TLK1: variants seen among roughly 807,000 people sequenced by gnomAD.
The protein encoded by TLK1 is tousled like kinase 1.
Under a neutral mutation model 105.3 loss-of-function variants are expected in TLK1, and 24 were observed. The observed-to-expected ratio is 0.23, with a 90% CI of 0.17 to 0.32. The LOEUF is 0.32. Ranked by LOEUF, TLK1 falls within the 10% of genes least tolerant of loss-of-function variation. TLK1 has a pLI of 1.00. For synonymous variants in TLK1, 321 were observed against 310.4 expected (o/e 1.03, Z -0.36); for missense variants, 558 against 910.5 (o/e 0.61, Z 4.98).
At position 170,993,668 on chromosome 2, in the gene TLK1, T is replaced by TAAAAAAAAAAAAAAAAA. The variant is rs71008739; in HGVS notation, c.*95_*111dup. ...AAACAGTTCTTAACCACGTCTTGTG[T>TAAAAAAAAAAAAAAAAA]AAAAAAAAAAAAAAAAAAAAAAGAA... is the stretch of plus-strand genomic sequence containing the variant. On this transcript the variant is annotated 3_prime_UTR_variant, in exon 21 of 21. Coordinates refer to ENST00000431350, the MANE Select transcript of TLK1 (RefSeq NM_012290.5). The TAAAAAAAAAAAAAAAAA allele has an allele frequency of 1.2e-5, 5 of 433,806 alleles. 1 individual carries two copies. The highest frequency in any genetic ancestry group is 7.2e-5 in the South Asian group (1 of 13,944). The allele number at this position is 433,806 out of a possible 1,614,324, so 26.9% of individuals were successfully genotyped here.
At chr2:171,104,068 G>C (rs887110205) in intron 2 of TLK1, among the ~76,000 whole-genome samples, 16 of 152,290 alleles carry the variant, frequency 1.1e-4, no homozygotes, top group African/African-American at 3.1e-4. Context: ...TTGAGGCCAG[G>C]AGTTTGAGAC....
chr2:171,203,432 G>A (rs1380766030), intron 1 of TLK1, among the ~76,000 whole-genome samples: 1 of 152,042 alleles, frequency 6.6e-6, no homozygotes, highest in Non-Finnish European at 1.5e-5. Flanking sequence ...CTATGTAAGT[G>A]GAATAACATT....
At chr2:171,210,770 G>A (rs1246621525) in intron 1 of TLK1, among the ~76,000 whole-genome samples, 7 of 152,048 alleles carry the variant, frequency 4.6e-5, no homozygotes, top group African/African-American at 1.4e-4. Context: ...AGAATTTGCC[G>A]GCTAATTAAA....
intron 2 of TLK1, among the ~76,000 whole-genome samples, chr2:171,109,969 G>A (rs1004645993): frequency 6.6e-6 from 1 of 152,220 alleles, no homozygotes; most frequent in South Asian, 2.1e-4. Context: ...TAAGGGTTGG[G>A]GGAAAGGGTT....
intron 1 of TLK1, among the ~76,000 whole-genome samples, chr2:171,212,863 A>C (rs746257940): frequency 7.4e-5 from 11 of 149,092 alleles, no homozygotes; most frequent in Non-Finnish European, 1.2e-4. Context: ...CACATGAAGA[A>C]ATAAGAGGAA....
intron 6 of TLK1, 30 bp from the exon 7 acceptor site, chr2:171,055,202 GCAAA>G: frequency 2.4e-6 from 1 of 420,220 alleles, no homozygotes; most frequent in Non-Finnish European, 3.4e-6. Context: ...TTTTATATTA[GCAAA>G]AAAAAAAAAA....
chr2:171,167,913 G>A (rs1247832352), intron 1 of TLK1, among the ~76,000 whole-genome samples: 3 of 151,906 alleles, frequency 2.0e-5, no homozygotes, highest in African/African-American at 7.3e-5. Context: ...AATCAATAGT[G>A]TACCTCTTAA....
chr2:171,010,256 A>T (rs1400522271), intron 14 of TLK1, among the ~76,000 whole-genome samples: 1 of 152,156 alleles, frequency 6.6e-6, no homozygotes, highest in Non-Finnish European at 1.5e-5. Flanking sequence ...GGAAGAGCAT[A>T]CGATGGTTTT....
chr2:171,186,887 A>G (rs35614064), intron 1 of TLK1, among the ~76,000 whole-genome samples: 13,057 of 151,636 alleles, frequency 0.086, 1,154 homozygotes, highest in East Asian at 0.3. Context: ...GTGAAACCCC[A>G]TCTCTACTAA....
intron 1 of TLK1, among the ~76,000 whole-genome samples, chr2:171,214,667 C>T (rs1199497973): frequency 6.6e-6 from 1 of 152,134 alleles, no homozygotes; most frequent in Non-Finnish European, 1.5e-5. Context: ...CCAGGTGATG[C>T]GAAGTTGCTG....
At chr2:171,157,895 AAGTT>A (rs900889065) in intron 1 of TLK1, among the ~76,000 whole-genome samples, 3 of 152,206 alleles carry the variant, frequency 2.0e-5, no homozygotes, top group Admixed American at 6.5e-5. Context: ...TCAAGAAACA[AAGTT>A]AGTTTTCACC....
At chr2:171,148,093 T>C (rs1691864807) in intron 1 of TLK1, among the ~76,000 whole-genome samples, 3 of 152,134 alleles carry the variant, frequency 2.0e-5, no homozygotes, top group Admixed American at 6.5e-5. Flanking sequence ...GGTTTCACCG[T>C]GTTAGCCTGG....
chr2:171,201,306 T>C (rs115282674), intron 1 of TLK1, among the ~76,000 whole-genome samples: 2,256 of 152,340 alleles, frequency 0.015, 47 homozygotes, highest in African/African-American at 0.049. Flanking sequence ...TTAATTACTA[T>C]TGAAATGCCA....
intron 3 of TLK1, among the ~76,000 whole-genome samples, chr2:171,064,487 T>C (rs1377332200): frequency 1.3e-5 from 2 of 152,230 alleles, no homozygotes; most frequent in African/African-American, 4.8e-5. Context: ...GTATATAATG[T>C]GCACATATTA....
At chr2:171,184,070 G>A (rs953077001) in intron 1 of TLK1, among the ~76,000 whole-genome samples, 4 of 152,158 alleles carry the variant, frequency 2.6e-5, no homozygotes, top group African/African-American at 9.7e-5. Flanking sequence ...TCCTAGCTGT[G>A]GTCAGAGGGC....
intron 20 of TLK1, among the ~76,000 whole-genome samples, chr2:170,995,983 T>G (rs909883398): frequency 1.3e-5 from 2 of 151,678 alleles, no homozygotes; most frequent in Admixed American, 1.3e-4. Flanking sequence ...ATTACAGGTG[T>G]GAGCCACCGC....
intron 2 of TLK1, among the ~76,000 whole-genome samples, chr2:171,099,644 G>T (rs374404361): frequency 6.6e-6 from 1 of 152,144 alleles, no homozygotes; most frequent in Non-Finnish European, 1.5e-5. Flanking sequence ...GTGGTATGGC[G>T]AAAAGATAGA....
chr2:171,050,272 C>A, intron 8 of TLK1, 98 bp from the exon 9 acceptor site: 9 of 695,304 alleles, frequency 1.3e-5, no homozygotes, highest in South Asian at 3.1e-5. Flanking sequence ...ACAGATAGGA[C>A]TAATAATATT....
intron 11 of TLK1, among the ~76,000 whole-genome samples, chr2:171,040,614 G>T (rs538230199): frequency 7.1e-6 from 1 of 140,486 alleles, no homozygotes; most frequent in African/African-American, 2.7e-5. Context: ...CTCTGTTGCC[G>T]AGGCTGGAGT....
Sources: allele counts gnomAD v4.1 joint callset (sites outside exome capture counted in the v4.1 genomes callset), GRCh38; gene constraint gnomAD v4.1.1; transcripts MANE v1.5; gene names NCBI Gene and HGNC (gene_info 2026-07-23, HGNC 2026-07-21).